Variants in HAPLN2 observed in about 807,000 individuals in gnomAD.
HAPLN2 encodes the protein hyaluronan and proteoglycan link protein 2, also known as brain link protein-1.
In HAPLN2, 27 loss-of-function variants were observed where a neutral mutation model predicts 29.3. The ratio of observed to expected loss-of-function variants is 0.92; its 90% CI spans 0.68 to 1.27. HAPLN2 has a LOEUF of 1.27. HAPLN2 is among the 50% of genes most tolerant of loss of function. The pLI, the probability that HAPLN2 is intolerant of heterozygous loss-of-function variation, is 0.00. For synonymous variants in HAPLN2, 208 were observed against 211.7 expected, an observed-to-expected ratio of 0.98 and a Z score of 0.15; for missense variants, 454 against 484.3, an observed-to-expected ratio of 0.94 and a Z score of 0.59.
intron 2 of HAPLN2, among the ~76,000 whole-genome samples, chr1:156,622,709 A>G (rs1278061443): frequency 6.6e-6 from 1 of 151,978 alleles, no homozygotes; most frequent in African/African-American, 2.4e-5. Flanking sequence ...TGGATTATAG[A>G]CAGCCTTGGA....
At position 156,624,714 on chromosome 1, in the gene HAPLN2, C is replaced by G; in HGVS notation, c.670C>G (p.Arg224Gly). The G allele has an allele frequency of 1.3e-6, 2 of 1,586,840 alleles. No homozygotes were observed. Among genetic ancestry groups the G allele is most frequent in the Non-Finnish European group, 1.7e-6 (2 of 1,171,090 alleles). The change falls in exon 6 of 7, where the codon CGC becomes GGC. Residue 224 changes from arginine (R) to glycine (G), a missense_variant. Around this residue, in one of 3 missense-constraint regions of HAPLN2, gnomAD observed 235 missense variants for 236.9 expected, o/e 0.99. Coordinates refer to ENST00000255039, the MANE Select transcript of HAPLN2 (RefSeq NM_021817.3). ...PCGGRGRPGIRSYGPRDRMRD... is the reference protein window; with the variant it reads ...PCGGRGRPGIGSYGPRDRMRD... ...CGGCGGCCGAGGCCGGCCCGGGATC[C>G]GCAGCTACGGACCCCGCGACCGGAT...
chr1:156,624,220 C>A (rs1029265185), intron 4 of HAPLN2, 60 bp downstream of exon 4: 1 of 1,532,306 alleles, frequency 6.5e-7, no homozygotes, highest in Middle Eastern at 2.1e-4. Context: ...TCGCCTGGGT[C>A]TCCCAGGGCT....
chr1:156,605,278 A>G, the HAPLN2 span, among the ~76,000 whole-genome samples: 7 of 151,678 alleles, frequency 4.6e-5, no homozygotes, highest in Admixed American at 2.0e-4. Context: ...AAAGAAAAAA[A>G]AAGAGAGAGA....
chr1:156,625,258 T>G lies in HAPLN2; in HGVS notation c.897T>G (p.Ser299Arg). 1 of 1,575,248 alleles carries G rather than the reference T, an allele frequency of 6.3e-7. No homozygotes were observed. Among genetic ancestry groups the G allele is most frequent in the African/African-American group, 1.3e-5 (1 of 74,088 alleles). Reference protein sequence around the residue: ...QCDGGWLADGSVRFPITTPRP... With the variant: ...QCDGGWLADGRVRFPITTPRP... ...ACGGCGGCTGGCTGGCTGACGGCAG[T>G]GTGCGCTTCCCAATCACCACGCCGA... Residue 299 changes from serine to arginine, a missense_variant, in exon 7 of 7, where the codon AGT (serine) becomes AGG (arginine). Ser to Arg is a moderately radical substitution (Grantham distance 110). Around this residue, in one of 3 missense-constraint regions of HAPLN2, gnomAD observed 235 missense variants for 236.9 expected, o/e 0.99. Coordinates refer to ENST00000255039, the MANE Select transcript of HAPLN2 (RefSeq NM_021817.3). This position sits in a 1 kb window ranked among gnomAD's most constrained non-coding sequence, Gnocchi z 5.7.
chr1:156,617,359 T>G (rs1678083783), upstream of HAPLN2, among the ~76,000 whole-genome samples: 1 of 150,130 alleles, frequency 6.7e-6, no homozygotes, highest in Admixed American at 6.6e-5. Flanking sequence ...TTCTTTTTTT[T>G]TTTTTTTTTG....
the HAPLN2 span, chr1:156,601,505 G>A: frequency 1.3e-6 from 2 of 1,581,472 alleles, no homozygotes; most frequent in Non-Finnish European, 1.7e-6. Context: ...CTAGGCTGTC[G>A]AAACCATAGA....
the HAPLN2 span, among the ~76,000 whole-genome samples, chr1:156,611,531 C>T: frequency 3.3e-5 from 5 of 152,194 alleles, no homozygotes; most frequent in African/African-American, 1.2e-4. Flanking sequence ...TGCCATTGCA[C>T]TTCAGCCTGG....
chr1:156,624,909 G>GGGGGGCCCCCCCCCCCCCC, intron 6 of HAPLN2, 126 bp downstream of exon 6: 1 of 999,506 alleles, frequency 1.0e-6, no homozygotes, highest in Non-Finnish European at 1.4e-6. Flanking sequence ...CCCCCCATCA[G>GGGGGGCCCCCCCCCCCCCC]CCCGCCCGCC....
At chr1:156,618,518 G>A (rs1181840177), upstream of HAPLN2, among the ~76,000 whole-genome samples, 4 of 152,010 alleles carry the variant, frequency 2.6e-5, no homozygotes, top group Admixed American at 6.6e-5. Context: ...GGTGGCTCAC[G>A]CCTGTAATCC....
upstream of HAPLN2, among the ~76,000 whole-genome samples, chr1:156,615,813 G>A (rs1332327388): frequency 6.6e-6 from 1 of 151,606 alleles, no homozygotes; most frequent in African/African-American, 2.4e-5. Context: ...CTTGTGATCC[G>A]CCCACCTCGG....
At position 156,625,042 on chromosome 1, in the gene HAPLN2, T is replaced by A; in HGVS notation, c.740-59T>A. 6.6e-7 allele frequency: 1 copy of A among 1,512,140 alleles called. No individual in the cohort carries two copies. Among genetic ancestry groups the A allele is most frequent in the Non-Finnish European group, 8.8e-7 (1 of 1,134,974 alleles). The allele number at this position is 1,512,140 out of a possible 1,614,324, so 93.7% of individuals were successfully genotyped here. ...CCGCACCCCAACTCCGCCTCCTGGGTGTCAGCCGCCCCTCTCCGCCCACCC... is the reference window on the plus strand; with the variant it reads ...CCGCACCCCAACTCCGCCTCCTGGGAGTCAGCCGCCCCTCTCCGCCCACCC... On this transcript the variant is annotated intron_variant, in intron 6 of 6. Coordinates refer to ENST00000255039, the MANE Select transcript of HAPLN2 (RefSeq NM_021817.3). The surrounding 1 kb of genome is among the most constrained non-coding windows in gnomAD (Gnocchi z 5.7).
intron 2 of HAPLN2, among the ~76,000 whole-genome samples, chr1:156,622,698 C>G (rs1678274910): frequency 6.6e-6 from 1 of 151,978 alleles, no homozygotes; most frequent in Admixed American, 6.6e-5. Context: ...CAGGGAGCAA[C>G]TGGATTATAG....
Position 156,624,672 on chromosome 1 carries a change from A to C in HAPLN2, c.628A>C (p.Thr210Pro), listed in dbSNP as rs1181589554. The C allele has an allele frequency of 6.2e-7, 1 of 1,607,344 alleles. No homozygotes were observed. The highest frequency in any genetic ancestry group is 8.5e-7 in the Non-Finnish European group (1 of 1,178,200). The change falls in exon 6 of 7, where the codon ACC becomes CCC. Residue 210 changes from threonine to proline, a missense_variant. Around this residue, in one of 3 missense-constraint regions of HAPLN2, gnomAD observed 235 missense variants for 236.9 expected, o/e 0.99. Transcript: ENST00000255039. ...GGGCTCCGTGCGCTACCCTGTGCTCACCGCACGCGCCCCGTGCGGCGGCCG... is the reference window on the plus strand; with the variant it reads ...GGGCTCCGTGCGCTACCCTGTGCTCCCCGCACGCGCCCCGTGCGGCGGCCG... ...LEGSVRYPVL[T>P]ARAPCGGRGR...
rs748041233 is a variant in HAPLN2 at position 156,623,923 on chromosome 1, G to T, written c.202G>T (p.Val68Leu). 48 of 1,606,344 alleles carry T rather than the reference G, an allele frequency of 3.0e-5. No individual in the cohort carries two copies. The highest frequency in any genetic ancestry group is 4.1e-5 in the Non-Finnish European group (48 of 1,176,416). Residue 68 changes from valine (V) to leucine (L), a missense_variant, in exon 4 of 7, where the codon GTG becomes TTG. Transcript: ENST00000255039. ...GGGCACCACGCCTCCCAGCTACAAG[G>T]TGCGCTGGAGCAAGGTGGAGCCTGG... ...VLGTTPPSYK[V>L]RWSKVEPGEL...
At chr1:156,617,251 C>G (rs979876575), upstream of HAPLN2, among the ~76,000 whole-genome samples, 5 of 151,866 alleles carry the variant, frequency 3.3e-5, no homozygotes, top group African/African-American at 1.2e-4. Flanking sequence ...GACTCAATGA[C>G]TGTATTGTGC....
chr1:156,607,880 CTATA>C, the HAPLN2 span, among the ~76,000 whole-genome samples: 1 of 151,726 alleles, frequency 6.6e-6, no homozygotes, highest in Non-Finnish European at 1.5e-5. Flanking sequence ...TAAAAAAAAT[CTATA>C]TAGCAAATAC....
At chr1:156,623,731 T>G in intron 3 of HAPLN2, 76 bp from the exon 4 acceptor site, 1 of 1,481,020 alleles carries the variant, frequency 6.8e-7, no homozygotes, top group Non-Finnish European at 9.0e-7. Context: ...GAGAAAGCAT[T>G]TGGGGAGCAG....
chr1:156,625,394 G>A lies in HAPLN2; in HGVS notation c.*10G>A, dbSNP rs1201273354. 6.3e-7 allele frequency: 1 copy of A among 1,576,544 alleles called. No individual in the cohort carries two copies. Among genetic ancestry groups the A allele is most frequent in the Non-Finnish European group, 8.6e-7 (1 of 1,160,330 alleles). The stretch of plus-strand genomic sequence containing the variant: ...CTACGCCGAGAATTAGGCGCCCACC[G>A]TGTCCCCTCCAGCGCGCGCGAAGAA... On this transcript the variant is annotated 3_prime_UTR_variant, in exon 7 of 7. Coordinates refer to ENST00000255039, the MANE Select transcript of HAPLN2 (RefSeq NM_021817.3). This position sits in a 1 kb window ranked among gnomAD's most constrained non-coding sequence, Gnocchi z 5.7.
chr1:156,604,541 G>A, the HAPLN2 span, among the ~76,000 whole-genome samples: 1 of 152,138 alleles, frequency 6.6e-6, no homozygotes, highest in African/African-American at 2.4e-5. Flanking sequence ...GCCTGCCTTG[G>A]CCTCCCAAAG....
Sources: gnomAD v4.1 joint callset for allele counts (sites outside exome capture counted in the v4.1 genomes callset) on GRCh38, gnomAD v4.1.1 for gene constraint, gnomAD v4.1.1 regional missense constraint, Gnocchi (gnomAD v3.1) non-coding constraint, MANE v1.5 for transcripts, NCBI Gene and HGNC (gene_info 2026-07-23, HGNC 2026-07-21) for gene names.